The following MEI4 variants were observed in gnomAD, a reference collection of about 807,000 sequenced individuals.
MEI4 encodes the protein meiotic double-stranded break formation protein 4.
In MEI4, 27 loss-of-function variants were observed where a neutral mutation model predicts 31.4. The observed-to-expected ratio is 0.86, with a 90% confidence interval of 0.63 to 1.19. MEI4 has a LOEUF of 1.19. MEI4 is among the 50% of genes most tolerant of loss of function. The pLI is 0.00. For synonymous variants in MEI4, 122 were observed against 145.4 expected (o/e 0.84, Z 1.16); for missense variants, 329 against 398.9 (o/e 0.82, Z 1.49).
chr6:77,676,685 A>G (rs1333649767), intron 1 of MEI4, among the ~76,000 whole-genome samples: 1 of 152,140 alleles, frequency 6.6e-6, no homozygotes, highest in African/African-American at 2.4e-5. Flanking sequence ...TGTGAGTTTA[A>G]GAACTTTTGG....
intron 3 of MEI4, among the ~76,000 whole-genome samples, chr6:77,781,359 T>C (rs1025738156): frequency 6.6e-6 from 1 of 152,160 alleles, no homozygotes; most frequent in Non-Finnish European, 1.5e-5. Flanking sequence ...TCAGTGCAAT[T>C]AGATTTCCCA....
chr6:77,853,294 T>G (rs1770674330), intron 4 of MEI4, among the ~76,000 whole-genome samples: 1 of 152,174 alleles, frequency 6.6e-6, no homozygotes, highest in Non-Finnish European at 1.5e-5. Context: ...AGCTCATAGA[T>G]TTACAGAACA....
intron 3 of MEI4, among the ~76,000 whole-genome samples, chr6:77,782,461 T>C (rs1326677784): frequency 1.3e-5 from 2 of 152,180 alleles, no homozygotes; most frequent in Non-Finnish European, 1.5e-5. Flanking sequence ...TACTCAGTTT[T>C]GCCTGAAATT....
chr6:77,916,223 T>A lies in MEI4; in HGVS notation c.901-6866T>A, dbSNP rs151269951. Among the ~76,000 whole-genome samples, 269 of 152,170 alleles carry A rather than the reference T, an allele frequency of 1.8e-3. 1 individual carries two copies. The highest frequency in any genetic ancestry group is 2.9e-3 in the South Asian group (14 of 4,820). On this transcript the variant is annotated intron_variant, in intron 4 of 4. Coordinates refer to ENST00000684080, the MANE Select transcript of MEI4 (RefSeq NM_001322247.2). Reference sequence around the variant, plus strand: ...TATCTCACTGAGCTTTTTTTAAAATTGATATTTTGAATTCTTTTTCCAGGA... The same window carrying A: ...TATCTCACTGAGCTTTTTTTAAAATAGATATTTTGAATTCTTTTTCCAGGA...
At chr6:77,875,334 A>T (rs994494852) in intron 4 of MEI4, among the ~76,000 whole-genome samples, 4 of 152,226 alleles carry the variant, frequency 2.6e-5, no homozygotes, top group African/African-American at 9.6e-5. Flanking sequence ...ACTACCATAG[A>T]ACTCCTGTAT....
intron 3 of MEI4, among the ~76,000 whole-genome samples, chr6:77,776,743 G>T (rs778271114): frequency 6.6e-6 from 1 of 152,118 alleles, no homozygotes; most frequent in Non-Finnish European, 1.5e-5. Flanking sequence ...AGTGCATTTT[G>T]ATACCATTTA....
At chr6:77,688,876 C>CCTA in intron 1 of MEI4, among the ~76,000 whole-genome samples, 1 of 152,108 alleles carries the variant, frequency 6.6e-6, no homozygotes, top group South Asian at 2.1e-4. Flanking sequence ...GTCCACTGCT[C>CCTA]CTATCGCTGA....
At chr6:77,787,840 CA>C (rs1768786227) in intron 3 of MEI4, among the ~76,000 whole-genome samples, 1 of 151,988 alleles carries the variant, frequency 6.6e-6, no homozygotes, top group Non-Finnish European at 1.5e-5. Context: ...AATTAGAAGT[CA>C]AATAAAGAAA....
Position 77,923,284 on chromosome 6 carries a change from T to TTTTA in MEI4, c.1102_1105dup (p.Trp369PhefsTer17), listed in dbSNP as rs1414222955. 1 of 1,230,192 alleles carries TTTTA rather than the reference T, an allele frequency of 8.1e-7. No homozygotes were observed. Among genetic ancestry groups the TTTTA allele is most frequent in the African/African-American group, 1.6e-5 (1 of 64,262 alleles). 76.2% of individuals were successfully genotyped at this position (1,230,192 alleles called of 1,614,324 possible). A position where few individuals can be genotyped will look rare whatever the true frequency, so the allele number is the denominator to read the frequency against. ...TTCTGATGCATTTCCTTTGTTTACT[T>TTTTA]TTTATTTATGGAGAGTGGGCATTCT... is the stretch of plus-strand genomic sequence containing the variant. On this transcript the variant is annotated frameshift_variant, in exon 5 of 5. Transcript: ENST00000684080. LOFTEE classifies it high-confidence loss of function.
intron 2 of MEI4, among the ~76,000 whole-genome samples, chr6:77,750,290 A>G (rs1440732666): frequency 1.3e-5 from 2 of 152,166 alleles, no homozygotes; most frequent in Non-Finnish European, 2.9e-5. Flanking sequence ...TAAATGTAAA[A>G]GGGCTAAATG....
chr6:77,788,614 C>G (rs1254537366), intron 3 of MEI4, among the ~76,000 whole-genome samples: 2 of 152,032 alleles, frequency 1.3e-5, no homozygotes, highest in Admixed American at 6.6e-5. Context: ...CAAGAACAGA[C>G]AAACAGAGAG....
At position 77,894,840 on chromosome 6, in the gene MEI4, C is replaced by A. The variant is rs568483477; in HGVS notation, c.901-28249C>A. Reference sequence around the variant, plus strand: ...TGGCTTTTGCCTGGCTGGGCAGTCACTGATGCTTCTCCAACAAATCTGGCT... The same window carrying A: ...TGGCTTTTGCCTGGCTGGGCAGTCAATGATGCTTCTCCAACAAATCTGGCT... On this transcript the variant is annotated intron_variant, in intron 4 of 4. Coordinates refer to ENST00000684080, the MANE Select transcript of MEI4 (RefSeq NM_001322247.2). 2.3e-3 allele frequency among the ~76,000 whole-genome samples: 353 copies of A among 152,298 alleles called. 1 individual carries two copies. The highest frequency in any genetic ancestry group is 3.7e-3 in the Non-Finnish European group (251 of 68,018).
At chr6:77,731,233 C>G (rs1296628129) in intron 2 of MEI4, among the ~76,000 whole-genome samples, 1 of 148,370 alleles carries the variant, frequency 6.7e-6, no homozygotes, top group African/African-American at 2.5e-5. Context: ...AACTAGTTTA[C>G]AGTCCCACCA....
chr6:77,863,890 A>C (rs937472923), intron 4 of MEI4, among the ~76,000 whole-genome samples: 3 of 152,244 alleles, frequency 2.0e-5, no homozygotes, highest in Admixed American at 6.5e-5. Context: ...TCTTGGCAGA[A>C]ACTCTACAAG....
chr6:77,683,867 A>G (rs143640730), intron 1 of MEI4, among the ~76,000 whole-genome samples: 2 of 152,318 alleles, frequency 1.3e-5, no homozygotes, highest in East Asian at 1.9e-4. Context: ...TCTTTTTGAC[A>G]TACTGATTTC....
chr6:77,803,939 C>T (rs377761583), intron 3 of MEI4, among the ~76,000 whole-genome samples: 13 of 152,148 alleles, frequency 8.5e-5, no homozygotes, highest in South Asian at 2.1e-4. Flanking sequence ...TTGAGGAGGC[C>T]GTCTGTCCAT....
chr6:77,768,079 T>G (rs1265549780), intron 3 of MEI4, among the ~76,000 whole-genome samples: 1 of 152,176 alleles, frequency 6.6e-6, no homozygotes, highest in East Asian at 1.9e-4. Flanking sequence ...ATTACTATCT[T>G]CAGTTTATAG....
At chr6:77,741,966 T>C (rs1465900476) in intron 2 of MEI4, among the ~76,000 whole-genome samples, 1 of 152,060 alleles carries the variant, frequency 6.6e-6, no homozygotes, top group East Asian at 1.9e-4. Context: ...TTTTTATGGC[T>C]GCATAGTACT....
chr6:77,771,439 A>G lies in MEI4; in HGVS notation c.768+9774A>G, dbSNP rs992425184. ...TTACCTGGAAATTTCATTATTGGGT[A>G]TATACCCAAAGAAATATGAATTATT... On this transcript the variant is annotated intron_variant, in intron 3 of 4. Transcript: ENST00000684080. 2.0e-5 allele frequency among the ~76,000 whole-genome samples: 3 copies of G among 152,142 alleles called. No individual in the cohort carries two copies. In the East Asian group the frequency reaches 5.8e-4, roughly 29 times the overall value.
Sources: gnomAD v4.1 joint callset for allele counts (sites outside exome capture counted in the v4.1 genomes callset) on GRCh38, gnomAD v4.1.1 for gene constraint, MANE v1.5 for transcripts, NCBI Gene and HGNC (gene_info 2026-07-23, HGNC 2026-07-21) for gene names.